Variants in DNTTIP1 observed in about 807,000 individuals in gnomAD.
DNTTIP1 encodes deoxynucleotidyltransferase terminal interacting protein 1.
In DNTTIP1, 22 loss-of-function variants were observed where a neutral mutation model predicts 52.9. The ratio of observed to expected loss-of-function variants is 0.42; its 90% confidence interval spans 0.30 to 0.59. The LOEUF is 0.59. Ranked by LOEUF, DNTTIP1 falls within the 20% of genes least tolerant of loss-of-function variation. The pLI is 0.22. For synonymous variants in DNTTIP1, 136 were observed against 155.1 expected, an observed-to-expected ratio of 0.88 and a Z score of 0.92; for missense variants, 286 against 435.5, an observed-to-expected ratio of 0.66 and a Z score of 3.06.
intron 3 of DNTTIP1, among the ~76,000 whole-genome samples, chr20:45,794,827 G>A (rs1981180729): frequency 6.9e-6 from 1 of 144,202 alleles, no homozygotes; most frequent in Admixed American, 7.2e-5. Flanking sequence ...TTGAGACAGA[G>A]TCTCACTCTG....
intron 7 of DNTTIP1, 150 bp from the exon 8 acceptor site, chr20:45,803,183 C>G (rs924645694): frequency 1.6e-5 from 11 of 706,148 alleles, no homozygotes; most frequent in Non-Finnish European, 2.6e-5. Flanking sequence ...CTTTTTTTCC[C>G]TTTGTTCCTC....
At chr20:45,805,252 C>G (rs1981594439) in intron 9 of DNTTIP1, 48 bp downstream of exon 9, 4 of 1,613,998 alleles carry the variant, frequency 2.5e-6, no homozygotes, top group Middle Eastern at 1.6e-4. Flanking sequence ...CTCAGGAGTT[C>G]ACTAGTAGGA....
At chr20:45,807,824 G>A (rs760493408) in intron 10 of DNTTIP1, among the ~76,000 whole-genome samples, 3 of 151,862 alleles carry the variant, frequency 2.0e-5, no homozygotes, top group Non-Finnish European at 2.9e-5. Context: ...GTGCACTCCT[G>A]TAGTCCTAGC....
intron 2 of DNTTIP1, among the ~76,000 whole-genome samples, chr20:45,793,234 T>C (rs1304230436): frequency 1.3e-5 from 2 of 152,250 alleles, no homozygotes; most frequent in African/African-American, 4.8e-5. Context: ...CTCATTAAAG[T>C]GTATAGACTT....
intron 4 of DNTTIP1, among the ~76,000 whole-genome samples, chr20:45,795,663 G>C (rs1279654711): frequency 6.6e-6 from 1 of 152,192 alleles, no homozygotes; most frequent in African/African-American, 2.4e-5. Context: ...GCTGGGCATG[G>C]TGGTGCACGC....
intron 4 of DNTTIP1, among the ~76,000 whole-genome samples, chr20:45,800,690 AAAAAATATATATATATATATAT>A (rs1416667685): frequency 3.6e-4 from 19 of 52,350 alleles, no homozygotes; most frequent in African/African-American, 1.7e-3. Context: ...AAAAAAAAAA[AAAAAATATATATATATATATAT>A]ATATATATAT....
intron 5 of DNTTIP1, 64 bp from the exon 6 acceptor site, chr20:45,801,312 GCTGTAGTCCAGGGCTGTCTTCTGCAA>G: frequency 1.3e-6 from 2 of 1,490,690 alleles, no homozygotes; most frequent in Non-Finnish European, 1.9e-6. Flanking sequence ...GGGCTGGAGA[GCTGTAGTCCAGGGCTGTCTTCTGCAA>G]CTCCAGAAGA....
chr20:45,795,490 G>A (rs996043076), intron 4 of DNTTIP1, 47 bp downstream of exon 4: 7 of 1,219,376 alleles, frequency 5.7e-6, no homozygotes, highest in African/African-American at 1.5e-5. Flanking sequence ...TTTAGCTCTC[G>A]AGCCTCTGAT....
At chr20:45,804,798 T>G (rs1981581160) in intron 8 of DNTTIP1, among the ~76,000 whole-genome samples, 1 of 152,130 alleles carries the variant, frequency 6.6e-6, no homozygotes, top group Non-Finnish European at 1.5e-5. Flanking sequence ...CTTTCAGAAT[T>G]AACTTGGGAA....
chr20:45,792,812 C>T, intron 2 of DNTTIP1, 65 bp downstream of exon 2: 1 of 1,468,466 alleles, frequency 6.8e-7, no homozygotes, highest in Non-Finnish European at 9.3e-7. Context: ...TTTGGGATCC[C>T]CAGTGCACAA....
At position 45,811,069 on chromosome 20, in the gene DNTTIP1, T is replaced by A. The variant is rs140255997; in HGVS notation, c.864T>A (p.Asp288Glu). 303 of 1,613,760 alleles carry A rather than the reference T, an allele frequency of 1.9e-4. 1 individual carries two copies. Among genetic ancestry groups the A allele is most frequent in the Non-Finnish European group, 1.7e-4 (204 of 1,179,840 alleles). Reference protein sequence around the residue: ...AASDDYRGCLDLKLEELKSFV... With the variant: ...AASDDYRGCLELKLEELKSFV... ...ATGTCTGTTCCAGAGGATGCCTGGA[T>A]CTGAAGCTAGAGGAATTGAAATCCT... Residue 288 changes from aspartate to glutamate, a missense_variant, in exon 13 of 13, where the codon GAT (aspartate) becomes GAA (glutamate). This residue lies in a region of DNTTIP1 where 78 missense variants were observed against 169.0 expected (regional missense o/e 0.46). Transcript: ENST00000372622.
At chr20:45,801,862 C>T in intron 6 of DNTTIP1, 137 bp from the exon 7 acceptor site, 1 of 889,530 alleles carries the variant, frequency 1.1e-6, no homozygotes, top group Non-Finnish European at 1.9e-6. Context: ...ACATGAGAGG[C>T]AGTTTTTCTC....
chr20:45,799,473 G>T, intron 4 of DNTTIP1, among the ~76,000 whole-genome samples: 1 of 152,248 alleles, frequency 6.6e-6, no homozygotes, highest in East Asian at 1.9e-4. Context: ...AATGAGCCAG[G>T]TGTTCCCACC....
chr20:45,810,403 A>ATCTT (rs1398710965), intron 11 of DNTTIP1, among the ~76,000 whole-genome samples: 1 of 152,092 alleles, frequency 6.6e-6, no homozygotes, highest in Non-Finnish European at 1.5e-5. Context: ...AAACCAAGTT[A>ATCTT]TCTTTGTCCT....
chr20:45,809,016 T>C lies in DNTTIP1; in HGVS notation c.724-98T>C. ...CCACCACGCTTGGAGACAAGGACTT[T>C]TGGTAAGAACTGCTCAAGGGCCAAG... On this transcript the variant is annotated intron_variant, in intron 10 of 12. Coordinates refer to ENST00000372622, the MANE Select transcript of DNTTIP1 (RefSeq NM_052951.3). The surrounding 1 kb of genome is among the most constrained non-coding windows in gnomAD (Gnocchi z 4.2). 1 of 1,074,448 alleles carries C rather than the reference T, an allele frequency of 9.3e-7. No individual in the cohort carries two copies. Among genetic ancestry groups the C allele is most frequent in the Non-Finnish European group, 1.4e-6 (1 of 710,830 alleles). The allele number at this position is 1,074,448 out of a possible 1,614,324, so 66.6% of individuals were successfully genotyped here.
At position 45,809,192 on chromosome 20, in the gene DNTTIP1, AT is replaced by A; in HGVS notation, c.795+9del. On this transcript the variant is annotated splice_region_variant and intron_variant, in intron 11 of 12. Coordinates refer to ENST00000372622, the MANE Select transcript of DNTTIP1 (RefSeq NM_052951.3). The surrounding 1 kb of genome is among the most constrained non-coding windows in gnomAD (Gnocchi z 4.2). Reference sequence around the variant, plus strand: ...GGCAACAGGGGGCAAGATGGTAAGCATTATTCATTTGTGCCACTGCCAGTGA... The same window carrying A: ...GGCAACAGGGGGCAAGATGGTAAGCATATTCATTTGTGCCACTGCCAGTGA... 6.2e-7 allele frequency: 1 copy of A among 1,613,768 alleles called. No homozygotes were observed. Among genetic ancestry groups the A allele is most frequent in the Non-Finnish European group, 8.5e-7 (1 of 1,179,938 alleles).
At position 45,809,265 on chromosome 20, in the gene DNTTIP1, C is replaced by G; in HGVS notation, c.795+80C>G. 1 of 1,245,818 alleles carries G rather than the reference C, an allele frequency of 8.0e-7. No individual in the cohort carries two copies. The highest frequency in any genetic ancestry group is 1.5e-5 in the African/African-American group (1 of 67,954). 77.2% of individuals were successfully genotyped at this position (1,245,818 alleles called of 1,614,324 possible). The stretch of plus-strand genomic sequence containing the variant: ...GATTTTGGCTGTGGGTGACAGCCTA[C>G]CTCCAAATCTGACTTCCAAAGCCTC... On this transcript the variant is annotated intron_variant, in intron 11 of 12. Transcript: ENST00000372622. The surrounding 1 kb of genome is among the most constrained non-coding windows in gnomAD (Gnocchi z 4.2).
intron 4 of DNTTIP1, chr20:45,796,462 G>A (rs970963809): frequency 2.1e-5 from 10 of 470,770 alleles, no homozygotes; most frequent in South Asian, 1.2e-4. Flanking sequence ...CTGCAGGTGC[G>A]TGGTGGATCA....
In DNTTIP1 at chr20:45,800,688, AAAAAAAATATATATATATATAT is replaced by A. The variant is rs1245159567; in HGVS notation, c.373-384_373-363del. ...AAACTCCATCTCAATTTAAAAAAAA[AAAAAAAATATATATATATATAT>A]ATATATATATATATATATATATATA... On this transcript the variant is annotated intron_variant, in intron 4 of 12. Transcript: ENST00000372622. 1.8e-4 allele frequency among the ~76,000 whole-genome samples: 10 copies of A among 55,876 alleles called. 1 individual carries two copies. The highest frequency in any genetic ancestry group is 9.2e-4 in the African/African-American group (10 of 10,824). 36.7% of individuals were successfully genotyped at this position (55,876 alleles called of 152,430 possible). A position where few individuals can be genotyped will look rare whatever the true frequency, so the allele number is the denominator to read the frequency against.
Sources: allele counts gnomAD v4.1 joint callset (sites outside exome capture counted in the v4.1 genomes callset), GRCh38; gene constraint gnomAD v4.1.1; regional missense constraint gnomAD v4.1.1; non-coding constraint Gnocchi (gnomAD v3.1); transcripts MANE v1.5; gene names NCBI Gene and HGNC (gene_info 2026-07-23, HGNC 2026-07-21).